The following RBFOX1 variants were observed in gnomAD, a reference collection of about 807,000 sequenced individuals.
The protein encoded by RBFOX1 is RNA binding fox-1 homolog 1.
A neutral mutation model predicts 57.7 loss-of-function variants in RBFOX1; 8 were observed. The ratio of observed to expected loss-of-function variants is 0.14; its 90% CI spans 0.08 to 0.25. The LOEUF is 0.25. Ranked by LOEUF, RBFOX1 falls within the 10% of genes least tolerant of loss-of-function variation. The pLI, the probability that RBFOX1 is intolerant of heterozygous loss-of-function variation, is 1.00. For missense variants in RBFOX1, 611 were observed against 548.5 expected (o/e 1.11, Z -1.14); for synonymous variants, 326 against 222.4 (o/e 1.47, Z -4.15).
At chr16:5,754,472 C>T (rs1262350949) in intron 3 of RBFOX1, among the ~76,000 whole-genome samples, 3 of 148,878 alleles carry the variant, frequency 2.0e-5, no homozygotes, top group African/African-American at 7.5e-5. Context: ...GACACAGAGA[C>T]AAAGTATAGA....
intron 14 of RBFOX1, among the ~76,000 whole-genome samples, chr16:7,705,796 A>C (rs1226640113): frequency 1.3e-5 from 2 of 152,164 alleles, no homozygotes; most frequent in East Asian, 1.9e-4. Flanking sequence ...GGTGTTGATG[A>C]ACTAGTGGCA....
chr16:5,444,575 C>T (rs958334758), intron 1 of RBFOX1, among the ~76,000 whole-genome samples: 2 of 152,170 alleles, frequency 1.3e-5, no homozygotes, highest in African/African-American at 2.4e-5. Flanking sequence ...AGAATGGTAC[C>T]TTCTCCCACA....
At chr16:6,318,238 C>A (rs961514493) in intron 2 of RBFOX1, among the ~76,000 whole-genome samples, 4 of 152,200 alleles carry the variant, frequency 2.6e-5, no homozygotes, top group Non-Finnish European at 4.4e-5. Context: ...ATTAGACTGG[C>A]AGCTTTTGTT....
At chr16:6,981,972 A>G (rs2089018689) in intron 3 of RBFOX1, among the ~76,000 whole-genome samples, 1 of 152,236 alleles carries the variant, frequency 6.6e-6, no homozygotes, top group Admixed American at 6.5e-5. Flanking sequence ...ACATGAAAAT[A>G]CAAATAAGCC....
At chr16:5,768,546 A>G (rs2053866777) in intron 3 of RBFOX1, among the ~76,000 whole-genome samples, 1 of 152,176 alleles carries the variant, frequency 6.6e-6, no homozygotes, top group African/African-American at 2.4e-5. Context: ...TTTTCGGCCC[A>G]CATGACATAC....
At chr16:6,767,702 T>A (rs1416577611) in intron 3 of RBFOX1, among the ~76,000 whole-genome samples, 1 of 151,614 alleles carries the variant, frequency 6.6e-6, no homozygotes, top group Non-Finnish European at 1.5e-5. Context: ...GATCACGAGA[T>A]CAGGAGTTCG....
chr16:6,330,235 C>T (rs889104396), intron 2 of RBFOX1, among the ~76,000 whole-genome samples: 3 of 152,142 alleles, frequency 2.0e-5, no homozygotes, highest in African/African-American at 7.2e-5. Context: ...CCTTATTATT[C>T]AAAGCACATG....
intron 5 of RBFOX1, among the ~76,000 whole-genome samples, chr16:7,521,501 C>A (rs1163277855): frequency 6.6e-6 from 1 of 151,288 alleles, no homozygotes; most frequent in Non-Finnish European, 1.5e-5. Context: ...CTTTGCCCTG[C>A]AAAAAGAACA....
chr16:5,666,176 G>A (rs191484657), intron 3 of RBFOX1, among the ~76,000 whole-genome samples: 1 of 152,328 alleles, frequency 6.6e-6, no homozygotes, highest in Admixed American at 6.5e-5. Flanking sequence ...TCATGGATAC[G>A]GAGGCAGCTG....
chr16:6,547,691 G>T (rs779724427), intron 2 of RBFOX1, among the ~76,000 whole-genome samples: 31 of 152,002 alleles, frequency 2.0e-4, no homozygotes, highest in Admixed American at 6.5e-5. Flanking sequence ...TAAGATAGCT[G>T]ATCTTTGTAA....
intron 3 of RBFOX1, among the ~76,000 whole-genome samples, chr16:6,840,899 A>AAAAAAAGAG (rs2093424518): frequency 6.6e-6 from 1 of 151,054 alleles, no homozygotes; most frequent in Non-Finnish European, 1.5e-5. Context: ...AAAAAAAAAA[A>AAAAAAAGAG]AAAAACGAAA....
chr16:5,240,749 G>A (rs1434831825), intron 1 of RBFOX1, among the ~76,000 whole-genome samples: 1 of 152,220 alleles, frequency 6.6e-6, no homozygotes, highest in East Asian at 1.9e-4. Context: ...TGAGCTCCCG[G>A]TGTCCTGCAC....
At chr16:6,994,712 C>G (rs958898731) in intron 3 of RBFOX1, among the ~76,000 whole-genome samples, 4 of 152,134 alleles carry the variant, frequency 2.6e-5, no homozygotes, top group African/African-American at 9.7e-5. Flanking sequence ...TCTGAAAGTC[C>G]TGAAGCTATC....
At chr16:6,715,811 A>G (rs2064694721) in intron 3 of RBFOX1, among the ~76,000 whole-genome samples, 1 of 152,206 alleles carries the variant, frequency 6.6e-6, no homozygotes, top group Non-Finnish European at 1.5e-5. Context: ...ATTGGAAAAT[A>G]AAATATTGTG....
intron 4 of RBFOX1, among the ~76,000 whole-genome samples, chr16:5,954,413 C>G (rs190028590): frequency 6.6e-6 from 1 of 151,974 alleles, no homozygotes; most frequent in East Asian, 1.9e-4. Context: ...CTGCTGAGAA[C>G]GAAGCATTAA....
chr16:5,635,421 T>G (rs1289758022), intron 3 of RBFOX1, among the ~76,000 whole-genome samples: 1 of 152,192 alleles, frequency 6.6e-6, no homozygotes, highest in Non-Finnish European at 1.5e-5. Context: ...CCTCCATTCC[T>G]CATGGAGTTA....
chr16:6,666,684 G>A (rs1164095247), intron 3 of RBFOX1, among the ~76,000 whole-genome samples: 2 of 152,124 alleles, frequency 1.3e-5, no homozygotes, highest in African/African-American at 4.8e-5. Context: ...ACAGGAAGAA[G>A]AAAATACGTC....
chr16:6,096,758 C>T (rs1398011984), intron 1 of RBFOX1, among the ~76,000 whole-genome samples: 1 of 152,200 alleles, frequency 6.6e-6, no homozygotes, highest in Non-Finnish European at 1.5e-5. Flanking sequence ...TATAAAAATA[C>T]TAAAATAGAT....
chr16:6,467,889 C>A (rs866245175), intron 2 of RBFOX1, among the ~76,000 whole-genome samples: 4 of 152,214 alleles, frequency 2.6e-5, no homozygotes, highest in Non-Finnish European at 4.4e-5. Context: ...ATGCAATCTA[C>A]ATCCCTTTGT....
Sources: gnomAD v4.1 joint callset for allele counts (sites outside exome capture counted in the v4.1 genomes callset) on GRCh38, gnomAD v4.1.1 for gene constraint, MANE v1.5 for transcripts, NCBI Gene and HGNC (gene_info 2026-07-23, HGNC 2026-07-21) for gene names.